The following NR3C2 variants were observed in gnomAD, a reference collection of about 807,000 sequenced individuals.
NR3C2 encodes the protein mineralocorticoid receptor.
A neutral mutation model predicts 86.4 loss-of-function variants in NR3C2; 15 were observed. The ratio of observed to expected loss-of-function variants is 0.17; its 90% CI spans 0.12 to 0.27. The LOEUF is 0.27. NR3C2 is among the 10% of genes least tolerant of loss of function. The pLI is 1.00. For synonymous variants in NR3C2, 458 were observed against 450.5 expected (o/e 1.02, Z -0.21); for missense variants, 960 against 1,195.6 (o/e 0.80, Z 2.91).
intron 2 of NR3C2, among the ~76,000 whole-genome samples, chr4:148,354,779 T>A (rs935471627): frequency 2.6e-5 from 4 of 152,118 alleles, no homozygotes; most frequent in Admixed American, 6.6e-5. Context: ...ATTAAAAATA[T>A]AAAACTGCTC....
intron 7 of NR3C2, among the ~76,000 whole-genome samples, chr4:148,118,225 T>C (rs111622537): frequency 6.6e-6 from 1 of 152,180 alleles, no homozygotes; most frequent in African/African-American, 2.4e-5. Flanking sequence ...CTCCCATACT[T>C]GGTTCCAGAA....
At chr4:148,239,194 C>T (rs1319001069) in intron 3 of NR3C2, among the ~76,000 whole-genome samples, 1 of 152,186 alleles carries the variant, frequency 6.6e-6, no homozygotes, top group East Asian at 1.9e-4. Flanking sequence ...TGGGTGGGCT[C>T]ATTTGTCTCC....
chr4:148,129,684 C>T (rs1732925861), intron 6 of NR3C2, among the ~76,000 whole-genome samples: 1 of 152,148 alleles, frequency 6.6e-6, no homozygotes, highest in Non-Finnish European at 1.5e-5. Flanking sequence ...CAACCTTCGC[C>T]TCCCTGGTTC....
chr4:148,317,291 G>T (rs1579146159), intron 2 of NR3C2, among the ~76,000 whole-genome samples: 1 of 151,618 alleles, frequency 6.6e-6, no homozygotes, highest in African/African-American at 2.4e-5. Flanking sequence ...GGAGGTGGAG[G>T]TTGTGGTGAG....
chr4:148,252,975 G>C (rs1465356491), intron 3 of NR3C2, among the ~76,000 whole-genome samples: 1 of 152,166 alleles, frequency 6.6e-6, no homozygotes, highest in African/African-American at 2.4e-5. Context: ...TTTCAAATTT[G>C]CCATGTGAAG....
At chr4:148,108,136 C>T (rs1328597546) in intron 8 of NR3C2, among the ~76,000 whole-genome samples, 5 of 152,094 alleles carry the variant, frequency 3.3e-5, no homozygotes, top group Non-Finnish European at 7.4e-5. Flanking sequence ...ACAGGTATTG[C>T]TCTGTCATCC....
chr4:148,081,682 A>T (rs1480059535), intron 8 of NR3C2, among the ~76,000 whole-genome samples, 183 bp from the exon 9 acceptor site: 1 of 152,180 alleles, frequency 6.6e-6, no homozygotes, highest in Non-Finnish European at 1.5e-5. Flanking sequence ...CACATCACCC[A>T]TGTCATCTGC....
chr4:148,317,921 T>A (rs1743294213), intron 2 of NR3C2, among the ~76,000 whole-genome samples: 1 of 151,624 alleles, frequency 6.6e-6, no homozygotes, highest in Admixed American at 6.6e-5. Flanking sequence ...CATGTGCACA[T>A]TCTGCAGGTT....
At chr4:148,271,073 G>T (rs1740660166) in intron 2 of NR3C2, among the ~76,000 whole-genome samples, 1 of 152,074 alleles carries the variant, frequency 6.6e-6, no homozygotes, top group Admixed American at 6.6e-5. Context: ...GTGGTCATAG[G>T]TCTTCAAGCG....
chr4:148,383,036 T>C (rs1443668030), intron 2 of NR3C2, among the ~76,000 whole-genome samples: 4 of 152,218 alleles, frequency 2.6e-5, no homozygotes, highest in African/African-American at 9.6e-5. Context: ...TTATCCTTAG[T>C]GTAAATAAGT....
At chr4:148,229,589 A>G (rs989961713) in intron 3 of NR3C2, among the ~76,000 whole-genome samples, 3 of 152,162 alleles carry the variant, frequency 2.0e-5, no homozygotes, top group Non-Finnish European at 4.4e-5. Flanking sequence ...GAGATGAGAT[A>G]CAGTTAGAGA....
intron 2 of NR3C2, among the ~76,000 whole-genome samples, chr4:148,287,366 C>T (rs908004421): frequency 1.3e-5 from 2 of 152,184 alleles, no homozygotes; most frequent in Non-Finnish European, 2.9e-5. Context: ...ATTCAGCAAG[C>T]TGTCTTACAA....
chr4:148,382,465 A>G (rs927782830), intron 2 of NR3C2, among the ~76,000 whole-genome samples: 1 of 152,208 alleles, frequency 6.6e-6, no homozygotes, highest in Non-Finnish European at 1.5e-5. Context: ...CCAAGCTCAC[A>G]AAACCAACCA....
upstream of NR3C2, chr4:148,444,606 C>T (rs1169602428): frequency 2.0e-6 from 2 of 988,654 alleles, no homozygotes; most frequent in Admixed American, 6.1e-5. Flanking sequence ...CCGCCGCCAC[C>T]AGCAAGTCCA....
intron 2 of NR3C2, among the ~76,000 whole-genome samples, chr4:148,288,088 C>T (rs920998495): frequency 6.6e-6 from 1 of 152,100 alleles, no homozygotes; most frequent in African/African-American, 2.4e-5. Flanking sequence ...TAAAACCCAG[C>T]TCTCATTACT....
Position 148,406,723 on chromosome 4 carries a change from C to T in NR3C2, c.1757+28381G>A, listed in dbSNP as rs1474189302. Among the ~76,000 whole-genome samples, 4 of 152,134 alleles carry T rather than the reference C, an allele frequency of 2.6e-5. No individual in the cohort carries two copies. The South Asian group carries it at 8.3e-4, about 31-fold the overall frequency. On this transcript the variant is annotated intron_variant, in intron 2 of 8. Coordinates refer to ENST00000358102, the MANE Select transcript of NR3C2 (RefSeq NM_000901.5). Reference sequence around the variant, plus strand: ...TGACTGATAGGATCCTAAATATTTACATTTAGGAGTTTTCAAATACTAAAC... The same window carrying T: ...TGACTGATAGGATCCTAAATATTTATATTTAGGAGTTTTCAAATACTAAAC...
At chr4:148,144,497 G>A (rs1221210543) in intron 6 of NR3C2, among the ~76,000 whole-genome samples, 1 of 152,176 alleles carries the variant, frequency 6.6e-6, no homozygotes, top group Non-Finnish European at 1.5e-5. Flanking sequence ...CTGGCTAAAA[G>A]CGACTTTCTA....
chr4:148,141,562 C>G (rs924937341), intron 6 of NR3C2, among the ~76,000 whole-genome samples: 2 of 152,086 alleles, frequency 1.3e-5, no homozygotes, highest in Admixed American at 1.3e-4. Flanking sequence ...TATATAGACA[C>G]AGTAAGTACC....
chr4:148,145,205 G>A (rs1448310082), intron 6 of NR3C2, among the ~76,000 whole-genome samples: 1 of 152,162 alleles, frequency 6.6e-6, no homozygotes, highest in Non-Finnish European at 1.5e-5. Context: ...CGGAGTTCAG[G>A]TATGGTATGA....
Sources: allele counts gnomAD v4.1 joint callset (sites outside exome capture counted in the v4.1 genomes callset), GRCh38; gene constraint gnomAD v4.1.1; transcripts MANE v1.5; gene names NCBI Gene and HGNC (gene_info 2026-07-23, HGNC 2026-07-21).